Variants in CIT observed in about 807,000 individuals in gnomAD.
CIT encodes citron rho-interacting serine/threonine kinase, also known as citron Rho-interacting kinase.
CIT carries 79 observed loss-of-function variants against 272.7 expected under a neutral mutation model. The observed-to-expected ratio is 0.29, with a 90% CI of 0.24 to 0.35. The LOEUF (loss-of-function observed/expected upper bound fraction) is 0.35, where lower values mean the gene tolerates loss of function less well. CIT is among the 10% of genes least tolerant of loss of function. The pLI is 1.00. For synonymous variants in CIT, 948 were observed against 995.6 expected (o/e 0.95, Z 0.90); for missense variants, 1,909 against 2,618.3 (o/e 0.73, Z 5.91).
rs1008765208 is a variant in CIT at position 119,797,756 on chromosome 12, A to G, written c.1295+5450T>C. ...TTTAAGGGAAGATCCTCCAACCTCCAAGTATTTCATAAAAAGGAAACAGGA... is the reference window on the plus strand; with the variant it reads ...TTTAAGGGAAGATCCTCCAACCTCCGAGTATTTCATAAAAAGGAAACAGGA... On this transcript the variant is annotated intron_variant, in intron 10 of 47. Transcript: ENST00000392521. Among the ~76,000 whole-genome samples, 8 of 152,362 alleles carry G rather than the reference A, an allele frequency of 5.3e-5. No homozygotes were observed. The East Asian group carries it at 1.5e-3, about 29-fold the overall frequency.
intron 26 of CIT, among the ~76,000 whole-genome samples, chr12:119,732,524 A>G (rs1392718727): frequency 6.6e-6 from 1 of 152,182 alleles, no homozygotes; most frequent in Non-Finnish European, 1.5e-5. Flanking sequence ...GGAGACTTAA[A>G]CAGCAGTCCC....
chr12:119,759,426 A>G (rs906423677), intron 20 of CIT, among the ~76,000 whole-genome samples: 1 of 152,186 alleles, frequency 6.6e-6, no homozygotes, highest in Non-Finnish European at 1.5e-5. Flanking sequence ...CAGGTGGGTC[A>G]CCTGAGGTCA....
Position 119,712,778 on chromosome 12 carries a change from C to T in CIT, c.4580-83G>A, listed in dbSNP as rs1957234052. 1.8e-6 allele frequency: 2 copies of T among 1,135,370 alleles called. No individual in the cohort carries two copies. The highest frequency in any genetic ancestry group is 3.1e-5 in the African/African-American group (2 of 65,444). The allele number at this position is 1,135,370 out of a possible 1,614,324, so 70.3% of individuals were successfully genotyped here. On this transcript the variant is annotated intron_variant, in intron 35 of 47. Transcript: ENST00000392521. The surrounding 1 kb of genome is among the most constrained non-coding windows in gnomAD (Gnocchi z 5.2). The stretch of plus-strand genomic sequence containing the variant: ...GGAGAAGAGAGAGCGAGAGAGACAG[C>T]AAGGGAGAGAGAGACAGGGTACGTG...
chr12:119,874,057 T>C (rs1481414850), intron 2 of CIT, among the ~76,000 whole-genome samples: 1 of 152,166 alleles, frequency 6.6e-6, no homozygotes, highest in Non-Finnish European at 1.5e-5. Context: ...TTATTTTTTT[T>C]GTTTTCTTTT....
intron 22 of CIT, among the ~76,000 whole-genome samples, chr12:119,755,412 G>C (rs981404679): frequency 2.0e-5 from 3 of 152,320 alleles, no homozygotes; most frequent in Middle Eastern, 6.8e-3. Context: ...ATAAACATGA[G>C]TACTACCCAA....
At chr12:119,696,258 A>G (rs914285810) in intron 46 of CIT, among the ~76,000 whole-genome samples, 1 of 152,086 alleles carries the variant, frequency 6.6e-6, no homozygotes, top group Admixed American at 6.6e-5. Context: ...TTTAAAAAGA[A>G]TGCCTTTTAA....
chr12:119,704,502 C>T (rs780963581), intron 40 of CIT, 47 bp from the exon 41 acceptor site: 18 of 1,548,500 alleles, frequency 1.2e-5, no homozygotes, highest in African/African-American at 9.5e-5. Context: ...AGTGTGATAC[C>T]GGCTGTGGGG....
intron 5 of CIT, among the ~76,000 whole-genome samples, chr12:119,840,102 A>G (rs552490559): frequency 6.6e-6 from 1 of 152,318 alleles, no homozygotes; most frequent in Admixed American, 6.5e-5. Context: ...GGATCACTTC[A>G]GCCCAGGAAT....
intron 10 of CIT, among the ~76,000 whole-genome samples, chr12:119,798,991 A>G (rs966106990): frequency 6.6e-6 from 1 of 152,192 alleles, no homozygotes; most frequent in Non-Finnish European, 1.5e-5. Context: ...CCATTCTGGG[A>G]CTGGACCTTC....
chr12:119,751,930 T>C lies in CIT; in HGVS notation c.2904+120A>G. On this transcript the variant is annotated intron_variant, in intron 23 of 47. Coordinates refer to ENST00000392521, the MANE Select transcript of CIT (RefSeq NM_001206999.2). Reference sequence around the variant, plus strand: ...CCAATTTCCTGGCCACTGAATATCTTTGTGGATCATGTTTTCCCTCCTGGA... The same window carrying C: ...CCAATTTCCTGGCCACTGAATATCTCTGTGGATCATGTTTTCCCTCCTGGA... 2 of 886,360 alleles carry C rather than the reference T, an allele frequency of 2.3e-6. 1 individual carries two copies. The highest frequency in any genetic ancestry group is 3.8e-5 in the South Asian group (2 of 52,266). 54.9% of individuals were successfully genotyped at this position (886,360 alleles called of 1,614,324 possible).
intron 5 of CIT, among the ~76,000 whole-genome samples, chr12:119,849,679 C>CA (rs1355460622): frequency 1.5e-5 from 1 of 67,674 alleles, no homozygotes; most frequent in Non-Finnish European, 4.9e-5. Flanking sequence ...GAGGCTGTTT[C>CA]TTTTTTTTTC....
At chr12:119,783,855 C>T in intron 12 of CIT, 53 bp downstream of exon 12, 1 of 1,529,030 alleles carries the variant, frequency 6.5e-7, no homozygotes, top group South Asian at 1.3e-5. Flanking sequence ...GGATGAGACA[C>T]ACACAACAGG....
In CIT at chr12:119,770,657, C is replaced by T. The variant is rs1963019556; in HGVS notation, c.2208+128G>A. ...TCTACGATGTGGCATATGCTGAAAC[C>T]ACCTCACTCAATTCATCTACTTGGA... On this transcript the variant is annotated intron_variant, in intron 18 of 47. Coordinates refer to ENST00000392521, the MANE Select transcript of CIT (RefSeq NM_001206999.2). This position sits in a 1 kb window ranked among gnomAD's most constrained non-coding sequence, Gnocchi z 4.4. 3 of 1,068,518 alleles carry T rather than the reference C, an allele frequency of 2.8e-6. No homozygotes were observed. Among genetic ancestry groups the T allele is most frequent in the East Asian group, 2.4e-5 (1 of 41,796 alleles). 66.2% of individuals were successfully genotyped at this position (1,068,518 alleles called of 1,614,324 possible).
rs371722696 is a variant in CIT, at chr12:119,867,985, T to C, written c.238+1075A>G. Among the ~76,000 whole-genome samples the C allele has an allele frequency of 5.9e-5, 9 of 152,228 alleles. No homozygotes were observed. The South Asian group carries it at 1.9e-3, about 32-fold the overall frequency. ...GGCTCACACCTGTAATCCCAAAGCT[T>C]TGGGAGGCTGAGGCAGGAAGACTGC... On this transcript the variant is annotated intron_variant, in intron 3 of 47. Transcript: ENST00000392521.
intron 10 of CIT, among the ~76,000 whole-genome samples, chr12:119,787,709 C>T (rs927928920): frequency 5.5e-5 from 6 of 108,848 alleles, no homozygotes; most frequent in Non-Finnish European, 1.0e-4. Context: ...CCAGCCTGGG[C>T]AACAGAGTGA....
rs1361623283 is a variant in CIT at position 119,687,766 on chromosome 12, T to C, written c.*466A>G. ...GACTACAACAGGAAATACGTCGCTA[T>C]TCAAATCTATTAAGAATTCTGTTGT... On this transcript the variant is annotated 3_prime_UTR_variant, in exon 48 of 48. Transcript: ENST00000392521. 7.3e-6 allele frequency: 1 copy of C among 137,460 alleles called. No homozygotes were observed. Among genetic ancestry groups the C allele is most frequent in the Non-Finnish European group, 1.4e-5 (1 of 68,990 alleles). The allele number at this position is 137,460 out of a possible 1,614,324, so 8.5% of individuals were successfully genotyped here. A position where few individuals can be genotyped will look rare whatever the true frequency, so the allele number is the denominator to read the frequency against.
intron 20 of CIT, among the ~76,000 whole-genome samples, chr12:119,760,004 T>C (rs959594035): frequency 1.3e-5 from 2 of 151,682 alleles, no homozygotes; most frequent in Non-Finnish European, 2.9e-5. Flanking sequence ...CTGGCCAACA[T>C]AGTGAAACCC....
chr12:119,858,708 G>C (rs1308211433), intron 3 of CIT, among the ~76,000 whole-genome samples: 1 of 151,782 alleles, frequency 6.6e-6, no homozygotes, highest in African/African-American at 2.4e-5. Context: ...TGTAGTCCCA[G>C]CTACTTGGGA....
chr12:119,713,266 C>G lies in CIT; in HGVS notation c.4516G>C (p.Asp1506His), dbSNP rs1428822870. The G allele has an allele frequency of 6.2e-6, 10 of 1,614,118 alleles. 1 individual carries two copies. The South Asian group carries it at 1.1e-4, about 18-fold the overall frequency. The change falls in exon 35 of 48, where the codon GAC becomes CAC. Residue 1506 changes from aspartate to histidine, a missense_variant. Physicochemically the swap from Asp to His is moderately conservative, Grantham distance 81. This residue lies in a region of CIT where 780 missense variants were observed against 1,067.2 expected (regional missense o/e 0.73). Transcript: ENST00000392521. The surrounding 1 kb of genome is among the most constrained non-coding windows in gnomAD (Gnocchi z 5.2). ...RNNKRGQQGW[D>H]RKYIVLEGSK... ...CCCTCCAGGACAATGTACTTCCTGT[C>G]CCAGCCTTGCTGTCCTCGTTTGTTA...
Sources: gnomAD v4.1 joint callset for allele counts (sites outside exome capture counted in the v4.1 genomes callset) on GRCh38, gnomAD v4.1.1 for gene constraint, gnomAD v4.1.1 regional missense constraint, Gnocchi (gnomAD v3.1) non-coding constraint, MANE v1.5 for transcripts, NCBI Gene and HGNC (gene_info 2026-07-23, HGNC 2026-07-21) for gene names.